The following CRYBG3 variants were observed in gnomAD, a reference collection of about 807,000 sequenced individuals.
CRYBG3 encodes crystallin beta-gamma domain containing 3.
Under a neutral mutation model 244.2 loss-of-function variants are expected in CRYBG3, and 127 were observed. The observed-to-expected ratio is 0.52, with a 90% CI of 0.45 to 0.60. The LOEUF is 0.60. CRYBG3 is among the 20% of genes least tolerant of loss of function. The pLI is 0.00. For missense variants in CRYBG3, 3,325 were observed against 3,442.5 expected (o/e 0.97, Z 0.85); for synonymous variants, 1,132 against 1,195.8 (o/e 0.95, Z 1.10).
intron 2 of CRYBG3, among the ~76,000 whole-genome samples, chr3:97,856,133 G>A (rs564741759): frequency 2.6e-5 from 4 of 152,154 alleles, no homozygotes; most frequent in African/African-American, 7.2e-5. Context: ...CCCCAGGCAC[G>A]TATTCTCTTT....
chr3:97,864,267 T>C lies in CRYBG3; in HGVS notation c.267T>C (p.Leu89=). Residue 89 remains leucine (L), a synonymous_variant, in exon 3 of 22, where the codon CTT becomes CTC. Transcript: ENST00000389622. ...ACCATGCTGAGAAGCCAGTCACTCT[T>C]CCAGTGCAGGAAGATCCCAAAAAGG... The part of the protein sequence containing the change: ...KRNHAEKPVT[L]PVQEDPKKAY... 1 of 1,530,918 alleles carries C rather than the reference T, an allele frequency of 6.5e-7. No homozygotes were observed. Among genetic ancestry groups the C allele is most frequent in the Non-Finnish European group, 8.7e-7 (1 of 1,145,366 alleles). The allele number at this position is 1,530,918 out of a possible 1,614,324, so 94.8% of individuals were successfully genotyped here.
In CRYBG3 at chr3:97,873,749, C is replaced by A. The variant is rs570430811; in HGVS notation, c.2555C>A (p.Ser852Tyr). The A allele has an allele frequency of 7.2e-6, 11 of 1,535,556 alleles. No individual in the cohort carries two copies. The highest frequency in any genetic ancestry group is 8.7e-6 in the Non-Finnish European group (10 of 1,146,670). ...TCAAAAGTGGAGCCCAGAAACATTT[C>A]TCAGGATAAAATGTCTTCTTTTCCA... Reference protein sequence around the residue: ...SLSKVEPRNISQDKMSSFPLK... With the variant: ...SLSKVEPRNIYQDKMSSFPLK... Residue 852 changes from serine (S) to tyrosine (Y), a missense_variant, in exon 4 of 22, where the codon TCT becomes TAT. Transcript: ENST00000389622.
intron 19 of CRYBG3, among the ~76,000 whole-genome samples, chr3:97,938,792 A>T (rs554916603): frequency 6.6e-6 from 1 of 151,848 alleles, no homozygotes; most frequent in African/African-American, 2.4e-5. Flanking sequence ...TATTTTGAAA[A>T]TTTTTTATTA....
chr3:97,861,937 G>A (rs2039155662), intron 2 of CRYBG3, among the ~76,000 whole-genome samples: 1 of 151,972 alleles, frequency 6.6e-6, no homozygotes, highest in Non-Finnish European at 1.5e-5. Context: ...TGTTGTTGAA[G>A]GTGTTTTAAT....
chr3:97,879,685 T>C lies in CRYBG3; in HGVS notation c.6844-19T>C, dbSNP rs780836519. ...ACCGATGTTTCTTAAAGCTTACTTT[T>C]CCACTTTTATTATTTCAGAATGTTG... On this transcript the variant is annotated intron_variant, in intron 4 of 21. Transcript: ENST00000389622. The C allele has an allele frequency of 6.3e-7, 1 of 1,581,176 alleles. No individual in the cohort carries two copies. Among genetic ancestry groups the C allele is most frequent in the South Asian group, 1.2e-5 (1 of 86,072 alleles).
At chr3:97,833,396 G>A (rs192721349) in intron 1 of CRYBG3, among the ~76,000 whole-genome samples, 1 of 152,262 alleles carries the variant, frequency 6.6e-6, no homozygotes, top group East Asian at 1.9e-4. Flanking sequence ...AAAAAGATGA[G>A]TTCATGTTCT....
intron 15 of CRYBG3, among the ~76,000 whole-genome samples, chr3:97,900,901 C>T (rs2039699128): frequency 6.6e-6 from 1 of 152,124 alleles, no homozygotes; most frequent in South Asian, 2.1e-4. Context: ...TCAAATATTT[C>T]TGAGCTAGTG....
At chr3:97,885,099 C>G (rs570733467) in intron 7 of CRYBG3, among the ~76,000 whole-genome samples, 1 of 152,252 alleles carries the variant, frequency 6.6e-6, no homozygotes, top group African/African-American at 2.4e-5. Flanking sequence ...TGAGGATTGA[C>G]AGGTGACTGT....
At chr3:97,936,533 G>A (rs1177977596) in intron 18 of CRYBG3, among the ~76,000 whole-genome samples, 1 of 152,052 alleles carries the variant, frequency 6.6e-6, no homozygotes, top group African/African-American at 2.4e-5. Context: ...TAGGATTTCA[G>A]AGATGGAGGA....
chr3:97,902,457 GTTTTA>G (rs1160452910), intron 15 of CRYBG3, among the ~76,000 whole-genome samples: 3 of 151,274 alleles, frequency 2.0e-5, no homozygotes, highest in African/African-American at 4.8e-5. Context: ...GATTAGGAAA[GTTTTA>G]TTTTATTTTA....
chr3:97,844,839 GA>G (rs2038876551), intron 2 of CRYBG3, among the ~76,000 whole-genome samples: 1 of 152,122 alleles, frequency 6.6e-6, no homozygotes, highest in Non-Finnish European at 1.5e-5. Flanking sequence ...GAGTGCCGAG[GA>G]TAATTTCATT....
chr3:97,831,247 G>A (rs1358506165), intron 1 of CRYBG3, among the ~76,000 whole-genome samples: 2 of 152,166 alleles, frequency 1.3e-5, no homozygotes, highest in African/African-American at 2.4e-5. Context: ...TGGGCCCACA[G>A]AACAGACAGT....
chr3:97,835,782 G>A (rs1016485039), intron 1 of CRYBG3, among the ~76,000 whole-genome samples: 1 of 152,126 alleles, frequency 6.6e-6, no homozygotes, highest in Non-Finnish European at 1.5e-5. Flanking sequence ...TGGGTCTCCA[G>A]TGCGCTGTCT....
At chr3:97,833,484 T>C (rs1052619021) in intron 1 of CRYBG3, among the ~76,000 whole-genome samples, 6 of 152,254 alleles carry the variant, frequency 3.9e-5, no homozygotes, top group African/African-American at 1.4e-4. Flanking sequence ...ACACCACGTG[T>C]TCTTACTCAT....
intron 17 of CRYBG3, among the ~76,000 whole-genome samples, chr3:97,921,424 T>G (rs147696658): frequency 1.3e-5 from 2 of 152,072 alleles, no homozygotes; most frequent in African/African-American, 4.8e-5. Flanking sequence ...ATATCAAGAG[T>G]CCATTATGTA....
intron 1 of CRYBG3, among the ~76,000 whole-genome samples, chr3:97,831,205 A>G (rs1224404052): frequency 3.3e-5 from 5 of 152,202 alleles, no homozygotes; most frequent in African/African-American, 1.2e-4. Context: ...CTGGGCTTGA[A>G]GAACATAACA....
chr3:97,907,337 G>T (rs906230494), intron 15 of CRYBG3, among the ~76,000 whole-genome samples: 1 of 151,630 alleles, frequency 6.6e-6, no homozygotes, highest in African/African-American at 2.4e-5. Flanking sequence ...GTTCCTCCTT[G>T]TACCTCTGGT....
At position 97,892,997 on chromosome 3, in the gene CRYBG3, A is replaced by G; in HGVS notation, c.7574+4A>G. 1 of 1,590,884 alleles carries G rather than the reference A, an allele frequency of 6.3e-7. No individual in the cohort carries two copies. The highest frequency in any genetic ancestry group is 8.5e-7 in the Non-Finnish European group (1 of 1,172,752). ...CAATTCGTGTCATTGGTGGAGTGTGAGTATCATATTTTTAACATTTGCACA... is the reference window on the plus strand; with the variant it reads ...CAATTCGTGTCATTGGTGGAGTGTGGGTATCATATTTTTAACATTTGCACA... On this transcript the variant is annotated splice_donor_region_variant and intron_variant, in intron 11 of 21. Coordinates refer to ENST00000389622, the MANE Select transcript of CRYBG3 (RefSeq NM_153605.4).
chr3:97,927,840 T>G (rs966278695), intron 17 of CRYBG3, among the ~76,000 whole-genome samples: 1 of 152,008 alleles, frequency 6.6e-6, no homozygotes, highest in African/African-American at 2.4e-5. Context: ...GAGATGCAAA[T>G]CAAATACACA....
Sources: gnomAD v4.1 joint callset for allele counts (sites outside exome capture counted in the v4.1 genomes callset) on GRCh38, gnomAD v4.1.1 for gene constraint, MANE v1.5 for transcripts, NCBI Gene and HGNC (gene_info 2026-07-23, HGNC 2026-07-21) for gene names.